Variants in GDPD5 observed in about 807,000 individuals in gnomAD.
The protein encoded by GDPD5 is glycerophosphodiester phosphodiesterase 2.
In GDPD5, 48 loss-of-function variants were observed where a neutral mutation model predicts 75.1. The ratio of observed to expected loss-of-function variants is 0.64; its 90% CI spans 0.51 to 0.81. GDPD5 has a LOEUF of 0.81. Among genes scored for constraint, GDPD5 ranks in the 40% least tolerant of loss-of-function variants. The pLI, the probability that GDPD5 is intolerant of heterozygous loss-of-function variation, is 0.00. For synonymous variants in GDPD5, 336 were observed against 339.0 expected, an observed-to-expected ratio of 0.99 and a Z score of 0.10; for missense variants, 706 against 822.6, an observed-to-expected ratio of 0.86 and a Z score of 1.73.
Position 75,459,022 on chromosome 11 carries a change from C to A in GDPD5, c.222-1236G>T, listed in dbSNP as rs534880113. Among the ~76,000 whole-genome samples the A allele has an allele frequency of 9.9e-5, 15 of 152,280 alleles. No individual in the cohort carries two copies. The East Asian group carries it at 2.7e-3, about 27-fold the overall frequency. On this transcript the variant is annotated intron_variant, in intron 4 of 16. Coordinates refer to ENST00000336898, the MANE Select transcript of GDPD5 (RefSeq NM_030792.8). The stretch of plus-strand genomic sequence containing the variant: ...CTCCTGAGCTCAGGTGATCCTCCTA[C>A]CTCAGCCTCCCAAAGTGCTGGGATT...
At position 75,474,425 on chromosome 11, in the gene GDPD5, A is replaced by C. The variant is rs530885074; in HGVS notation, c.117+3194T>G. ...TGGCAGTATTAGAGTAATGAGTCAC[A>C]GACAACAACCAATTAATTATCCCCA... On this transcript the variant is annotated intron_variant, in intron 3 of 16. Transcript: ENST00000336898. Among the ~76,000 whole-genome samples the C allele has an allele frequency of 2.0e-5, 3 of 152,342 alleles. No homozygotes were observed. In the South Asian group the frequency reaches 6.2e-4, roughly 32 times the overall value.
At chr11:75,452,022 G>A (rs1213520954) in intron 6 of GDPD5, 2 of 152,242 alleles carry the variant, frequency 1.3e-5, no homozygotes, top group East Asian at 3.9e-4. Flanking sequence ...GTGGCCTTGG[G>A]TTCTCTGTCT....
chr11:75,506,514 C>T (rs1024497773), intron 1 of GDPD5: 17 of 152,238 alleles, frequency 1.1e-4, no homozygotes, highest in African/African-American at 3.9e-4. Flanking sequence ...GCCTTCTATT[C>T]TTAGCTGAGC....
rs971418395 is a variant in GDPD5, at chr11:75,525,621, C to A, written c.-556G>T. The A allele has an allele frequency of 1.3e-5, 2 of 151,800 alleles. No homozygotes were observed. The highest frequency in any genetic ancestry group is 2.9e-5 in the Non-Finnish European group (2 of 67,928). The allele number at this position is 151,800 out of a possible 1,614,324, so 9.4% of individuals were successfully genotyped here. On this transcript the variant is annotated 5_prime_UTR_variant, in exon 1 of 17. Transcript: ENST00000336898. ...CGGCGTTAGGAGCGTCCCGTCCCGG[C>A]GCAGCGGGTCAGGGCCGGGGCTCCG...
Position 75,437,288 on chromosome 11 carries a change from C to T in GDPD5, c.1557-240G>A, listed in dbSNP as rs369220088. 3.1e-5 allele frequency: 17 copies of T among 542,776 alleles called. 1 individual carries two copies. The highest frequency in any genetic ancestry group is 2.2e-4 in the East Asian group (7 of 32,502). The allele number at this position is 542,776 out of a possible 1,614,324, so 33.6% of individuals were successfully genotyped here. Reference sequence around the variant, plus strand: ...CCTCCAGAGCCGCCAGTCAGCAGCCCTGGCCCAGGACTAGGGTTGGTTAGT... The same window carrying T: ...CCTCCAGAGCCGCCAGTCAGCAGCCTTGGCCCAGGACTAGGGTTGGTTAGT... On this transcript the variant is annotated intron_variant, in intron 15 of 16. Transcript: ENST00000336898.
chr11:75,474,241 C>T (rs190087451), intron 3 of GDPD5, among the ~76,000 whole-genome samples: 44 of 152,342 alleles, frequency 2.9e-4, no homozygotes, highest in Non-Finnish European at 4.9e-4. Flanking sequence ...GGTAGTCTGT[C>T]TCTTTCAATG....
In GDPD5 at chr11:75,441,762, C is replaced by T. The variant is rs1190851567; in HGVS notation, c.1209G>A (p.Lys403=). The change falls in exon 13 of 17, where the codon AAG becomes AAA. Residue 403 remains lysine (K), a synonymous_variant. Transcript: ENST00000336898. ...LPSRQRPLVR[K]VAPGFQQTSG... Reference sequence around the variant, plus strand: ...ATGTCTGTTGGAAGCCGGGAGCCACCTTCCGCACCAGGGGCCTCTGCCTGC... The same window carrying T: ...ATGTCTGTTGGAAGCCGGGAGCCACTTTCCGCACCAGGGGCCTCTGCCTGC... 1.9e-6 allele frequency: 3 copies of T among 1,611,284 alleles called. No homozygotes were observed. Among genetic ancestry groups the T allele is most frequent in the Non-Finnish European group, 2.5e-6 (3 of 1,179,930 alleles).
chr11:75,439,184 T>C (rs776886373), intron 15 of GDPD5, among the ~76,000 whole-genome samples: 9 of 151,764 alleles, frequency 5.9e-5, no homozygotes, highest in Non-Finnish European at 1.0e-4. Context: ...GAAAAGAGGA[T>C]TGCGGGGGTA....
chr11:75,481,043 G>T (rs2135384205), intron 2 of GDPD5, among the ~76,000 whole-genome samples: 1 of 152,294 alleles, frequency 6.6e-6, no homozygotes, highest in East Asian at 1.9e-4. Flanking sequence ...CTCCTACAGT[G>T]ACTGGGCTCT....
chr11:75,475,525 C>G (rs1949760566), intron 3 of GDPD5, among the ~76,000 whole-genome samples: 1 of 152,062 alleles, frequency 6.6e-6, no homozygotes, highest in African/African-American at 2.4e-5. Context: ...CTGCCCTCAC[C>G]CAGCTGCCTC....
At chr11:75,441,484 C>G (rs1289809568) in intron 13 of GDPD5, among the ~76,000 whole-genome samples, 162 bp downstream of exon 13, 1 of 152,176 alleles carries the variant, frequency 6.6e-6, no homozygotes, top group Non-Finnish European at 1.5e-5. Flanking sequence ...ACACGCTCAC[C>G]CTCTTGTCTT....
intron 6 of GDPD5, chr11:75,452,977 AG>A (rs1949202743): frequency 6.6e-6 from 1 of 151,948 alleles, no homozygotes. Context: ...CAGCCTGGGG[AG>A]GTGTGAGCTG....
intron 5 of GDPD5, among the ~76,000 whole-genome samples, chr11:75,457,313 T>A (rs1436719527): frequency 6.6e-6 from 1 of 152,062 alleles, no homozygotes; most frequent in Non-Finnish European, 1.5e-5. Context: ...GGGGCAAACA[T>A]TCCAGGAAGG....
At position 75,441,226 on chromosome 11, in the gene GDPD5, G is replaced by A. The variant is rs747823269; in HGVS notation, c.1410C>T (p.Val470=). ...GGGAGTTGTCAGAGGTGACGGATGG[G>A]ACCCCCGCACACCACAGCAGGGAGA... is the stretch of plus-strand genomic sequence containing the variant. ...WLFSLLWCAG[V]PSVTSDNSHA... is the part of the protein sequence containing the mutation. Residue 470 remains valine, a synonymous_variant, in exon 14 of 17, where the codon GTC becomes GTT. Transcript: ENST00000336898. 6.2e-7 allele frequency: 1 copy of A among 1,614,006 alleles called. No homozygotes were observed. The highest frequency in any genetic ancestry group is 1.1e-5 in the South Asian group (1 of 91,074).
At chr11:75,473,110 C>T (rs771320257) in intron 3 of GDPD5, among the ~76,000 whole-genome samples, 3 of 151,382 alleles carry the variant, frequency 2.0e-5, no homozygotes, top group African/African-American at 7.3e-5. Flanking sequence ...CTGGCGTGGA[C>T]GAGCATGGAG....
At chr11:75,503,008 G>T (rs1028510604) in intron 1 of GDPD5, among the ~76,000 whole-genome samples, 106 of 152,328 alleles carry the variant, frequency 7.0e-4, no homozygotes, top group African/African-American at 2.4e-3. Flanking sequence ...TACAGAAACT[G>T]TGAGATAATG....
intron 3 of GDPD5, among the ~76,000 whole-genome samples, chr11:75,466,470 C>T (rs924223516): frequency 1.3e-5 from 2 of 152,144 alleles, no homozygotes. Context: ...CACATTACAG[C>T]AGAGAGAGGC....
At chr11:75,439,812 G>T in intron 15 of GDPD5, 67 bp downstream of exon 15, 1 of 1,318,284 alleles carries the variant, frequency 7.6e-7, no homozygotes, top group Non-Finnish European at 1.1e-6. Flanking sequence ...GGGTTCACCT[G>T]GCTGGGGTGG....
chr11:75,506,331 C>T (rs982834586), intron 1 of GDPD5, among the ~76,000 whole-genome samples: 1 of 152,170 alleles, frequency 6.6e-6, no homozygotes, highest in African/African-American at 2.4e-5. Flanking sequence ...GAGGGATGAA[C>T]TTACTTGATA....
Sources: gnomAD v4.1 joint callset for allele counts (sites outside exome capture counted in the v4.1 genomes callset) on GRCh38, gnomAD v4.1.1 for gene constraint, MANE v1.5 for transcripts, NCBI Gene and HGNC (gene_info 2026-07-23, HGNC 2026-07-21) for gene names.